Variants in PNLIP observed in about 807,000 individuals in gnomAD.
PNLIP encodes the protein pancreatic triacylglycerol lipase.
Under a neutral mutation model 57.1 loss-of-function variants are expected in PNLIP, and 49 were observed. The ratio of observed to expected loss-of-function variants is 0.86; its 90% CI spans 0.68 to 1.09. The LOEUF is 1.09. Ranked by LOEUF, PNLIP falls within the 50% of genes least tolerant of loss-of-function variation. The probability of loss-of-function intolerance (pLI) is 0.00; values close to 1 mark genes in which losing one functional copy is unlikely to be tolerated. For missense variants in PNLIP, 503 were observed against 570.2 expected (o/e 0.88, Z 1.20); for synonymous variants, 209 against 200.4 (o/e 1.04, Z -0.36).
rs529519550 is a variant in PNLIP at position 116,550,137 on chromosome 10, C to A, written c.325-961C>A. The stretch of plus-strand genomic sequence containing the variant: ...GCAGTGGCGCGATCTTGGCTCACTG[C>A]AAGCTCCGCCTCCCGGGTTCACGCC... On this transcript the variant is annotated intron_variant, in intron 4 of 12. Coordinates refer to ENST00000369221, the MANE Select transcript of PNLIP (RefSeq NM_000936.4). 2.1e-5 allele frequency among the ~76,000 whole-genome samples: 3 copies of A among 145,386 alleles called. No individual in the cohort carries two copies. The South Asian group carries it at 6.5e-4, about 32-fold the overall frequency.
intron 12 of PNLIP, among the ~76,000 whole-genome samples, chr10:116,565,175 G>A (rs1261182082): frequency 7.0e-6 from 1 of 141,868 alleles, no homozygotes; most frequent in African/African-American, 2.6e-5. Flanking sequence ...GCGTGAACCC[G>A]GGAGGCGGAG....
In PNLIP at chr10:116,555,507, G is replaced by T. The variant is rs769861164; in HGVS notation, c.811G>T (p.Gly271Trp). ...QIVDIDGIWE[G>W]TRDFAACNHL... Reference sequence around the variant, plus strand: ...TGTGGACATAGACGGAATCTGGGAAGGTAGAACTATTATGTGTAGAAAGAG... The same window carrying T: ...TGTGGACATAGACGGAATCTGGGAATGTAGAACTATTATGTGTAGAAAGAG... Residue 271 changes from glycine to tryptophan, a missense_variant and splice_region_variant, in exon 8 of 13, where the codon GGG becomes TGG. Gly to Trp is a radical substitution (Grantham distance 184). Transcript: ENST00000369221. 1 of 1,613,910 alleles carries T rather than the reference G, an allele frequency of 6.2e-7. No homozygotes were observed. Among genetic ancestry groups the T allele is most frequent in the Non-Finnish European group, 8.5e-7 (1 of 1,179,892 alleles).
intron 5 of PNLIP, 34 bp downstream of exon 5, chr10:116,551,266 A>G (rs1421487962): frequency 7.2e-7 from 1 of 1,387,460 alleles, no homozygotes; most frequent in Non-Finnish European, 9.5e-7. Context: ...AAGCCTGTAC[A>G]CATGGTTTTC....
intron 6 of PNLIP, among the ~76,000 whole-genome samples, chr10:116,554,336 A>G (rs1235576589): frequency 1.3e-5 from 2 of 152,252 alleles, no homozygotes; most frequent in Non-Finnish European, 2.9e-5. Flanking sequence ...AACTAATTAT[A>G]TTCTGTTTCA....
rs1847300264 is a variant in PNLIP, at chr10:116,560,301, AC to A, written c.1061-114del. On this transcript the variant is annotated intron_variant, in intron 10 of 12. Transcript: ENST00000369221. ...TACACACACACACACACACACACAC[AC>A]ACACACAATTATAAATAAATTATTC... The A allele has an allele frequency of 4.7e-5, 29 of 612,124 alleles. No homozygotes were observed. In the East Asian group the frequency reaches 7.3e-4, roughly 15 times the overall value. The allele number at this position is 612,124 out of a possible 1,614,324, so 37.9% of individuals were successfully genotyped here.
At chr10:116,554,729 G>A (rs1847234184) in intron 6 of PNLIP, among the ~76,000 whole-genome samples, 1 of 151,470 alleles carries the variant, frequency 6.6e-6, no homozygotes, top group Non-Finnish European at 1.5e-5. Flanking sequence ...TTGCTGAAGG[G>A]GAGATCTGCA....
chr10:116,560,924 C>T (rs371407997), intron 11 of PNLIP, among the ~76,000 whole-genome samples: 53 of 151,996 alleles, frequency 3.5e-4, no homozygotes, highest in African/African-American at 1.0e-3. Context: ...TGTATGTCAT[C>T]GACATAAGAG....
chr10:116,559,119 G>T, intron 9 of PNLIP, 35 bp from the exon 10 acceptor site: 2 of 1,597,396 alleles, frequency 1.3e-6, no homozygotes, highest in South Asian at 2.3e-5. Context: ...TAAAAGATAG[G>T]GCATCCTCAT....
chr10:116,550,547 A>G (rs1847180281), intron 4 of PNLIP, among the ~76,000 whole-genome samples: 2 of 152,224 alleles, frequency 1.3e-5, no homozygotes, highest in South Asian at 4.1e-4. Context: ...ACAATAAAAC[A>G]CGTTCATCCA....
chr10:116,556,119 G>A lies in PNLIP; in HGVS notation c.930+1G>A, dbSNP rs1489238049. ...TGCCTCTTACAACGTCTTCACTGCA[G>A]TAAGTAGACTCCACCTTCCGCATAA... On this transcript the variant is annotated splice_donor_variant, in intron 9 of 12. Coordinates refer to ENST00000369221, the MANE Select transcript of PNLIP (RefSeq NM_000936.4). LOFTEE classifies it high-confidence loss of function. The A allele has an allele frequency of 1.3e-6, 2 of 1,549,402 alleles. No homozygotes were observed. The highest frequency in any genetic ancestry group is 2.7e-5 in the African/African-American group (2 of 73,860).
At chr10:116,565,581 C>T (rs77514224) in intron 12 of PNLIP, among the ~76,000 whole-genome samples, 10,569 of 150,132 alleles carry the variant, frequency 0.07, 426 homozygotes, top group South Asian at 0.091. Context: ...CTGCCTCAGC[C>T]GCCTGTGTAG....
At chr10:116,547,089 G>A (rs1181844557) in intron 2 of PNLIP, among the ~76,000 whole-genome samples, 1 of 152,132 alleles carries the variant, frequency 6.6e-6, no homozygotes, top group Non-Finnish European at 1.5e-5. Context: ...TGATCCATGT[G>A]GTAGAATTGA....
intron 2 of PNLIP, among the ~76,000 whole-genome samples, chr10:116,546,502 C>A (rs1204405445): frequency 6.6e-6 from 1 of 152,208 alleles, no homozygotes; most frequent in Non-Finnish European, 1.5e-5. Flanking sequence ...TCCACCACCA[C>A]CTACAACTGT....
chr10:116,549,628 C>T (rs1284716913), intron 4 of PNLIP, among the ~76,000 whole-genome samples: 1 of 152,130 alleles, frequency 6.6e-6, no homozygotes, highest in Non-Finnish European at 1.5e-5. Flanking sequence ...CTGTACACTC[C>T]GCAAGTTTAA....
At chr10:116,548,732 G>T (rs916798471) in intron 4 of PNLIP, among the ~76,000 whole-genome samples, 3 of 152,182 alleles carry the variant, frequency 2.0e-5, no homozygotes, top group African/African-American at 7.2e-5. Flanking sequence ...AACTGATATG[G>T]AGGTGTTTCA....
chr10:116,567,238 ATTCC>A (rs762022737), intron 12 of PNLIP, among the ~76,000 whole-genome samples: 68 of 73,818 alleles, frequency 9.2e-4, no homozygotes, highest in African/African-American at 2.0e-3. Flanking sequence ...TTCTTTCTTT[ATTCC>A]TTCCTTCCTT....
chr10:116,561,342 T>C, intron 11 of PNLIP, 130 bp from the exon 12 acceptor site: 2 of 581,390 alleles, frequency 3.4e-6, no homozygotes, highest in South Asian at 3.9e-5. Context: ...TAGCCAGAAA[T>C]GCATTGTAAG....
intron 12 of PNLIP, among the ~76,000 whole-genome samples, chr10:116,564,010 T>C (rs538315438): frequency 1.3e-5 from 2 of 152,028 alleles, no homozygotes; most frequent in African/African-American, 4.8e-5. Flanking sequence ...AAAATATATG[T>C]GAAGAAATAA....
chr10:116,558,706 C>G (rs1221182995), intron 9 of PNLIP, among the ~76,000 whole-genome samples: 1 of 151,712 alleles, frequency 6.6e-6, no homozygotes, highest in Non-Finnish European at 1.5e-5. Context: ...CTCACTGCAA[C>G]CTCTGCCTCC....
Sources: gnomAD v4.1 joint callset for allele counts (sites outside exome capture counted in the v4.1 genomes callset) on GRCh38, gnomAD v4.1.1 for gene constraint, MANE v1.5 for transcripts, NCBI Gene and HGNC (gene_info 2026-07-23, HGNC 2026-07-21) for gene names.